VAPA: variants seen among roughly 807,000 people sequenced by gnomAD.
VAPA encodes the protein VAMP associated protein A, also known as vesicle-associated membrane protein-associated protein A.
Under a neutral mutation model 25.6 loss-of-function variants are expected in VAPA, and 6 were observed. The ratio of observed to expected loss-of-function variants is 0.23; its 90% confidence interval spans 0.13 to 0.46. The LOEUF (loss-of-function observed/expected upper bound fraction) is 0.46, where lower values mean the gene tolerates loss of function less well. Ranked by LOEUF, VAPA falls within the 20% of genes least tolerant of loss-of-function variation. VAPA has a pLI of 0.99. For missense variants in VAPA, 244 were observed against 302.1 expected (o/e 0.81, Z 1.43); for synonymous variants, 112 against 106.2 (o/e 1.05, Z -0.34).
chr18:9,939,697 G>A (rs2069347947), intron 4 of VAPA, among the ~76,000 whole-genome samples: 1 of 151,990 alleles, frequency 6.6e-6, no homozygotes, highest in Admixed American at 6.6e-5. Flanking sequence ...TTATCCAGGG[G>A]CAATCGATTT....
At chr18:9,917,876 C>G (rs929517832) in intron 1 of VAPA, among the ~76,000 whole-genome samples, 1 of 152,110 alleles carries the variant, frequency 6.6e-6, no homozygotes, top group Non-Finnish European at 1.5e-5. Context: ...CCAGTCGGCT[C>G]TTCATGTTTC....
chr18:9,935,513 T>G (rs563221951), intron 2 of VAPA, among the ~76,000 whole-genome samples: 18 of 152,324 alleles, frequency 1.2e-4, no homozygotes, highest in African/African-American at 4.3e-4. Flanking sequence ...AGGTTGAGGC[T>G]ACAGTGAGCT....
intron 5 of VAPA, among the ~76,000 whole-genome samples, chr18:9,952,680 A>G (rs2069503063): frequency 6.6e-6 from 1 of 151,904 alleles, no homozygotes; most frequent in South Asian, 2.1e-4. Flanking sequence ...CTGTCTGTTC[A>G]CTATCCCTTT....
intron 4 of VAPA, among the ~76,000 whole-genome samples, chr18:9,939,218 C>G (rs2069341790): frequency 6.7e-6 from 1 of 148,568 alleles, no homozygotes. Flanking sequence ...GTTGCTCAGG[C>G]TGGAGTGCAG....
In VAPA at chr18:9,936,983, T is replaced by C. The variant is rs745425990; in HGVS notation, c.337-3T>C. The C allele has an allele frequency of 2.5e-6, 4 of 1,613,506 alleles. No homozygotes were observed. The Admixed American group carries it at 5.0e-5, about 20-fold the overall frequency. ...TCTCATGTTTGGTTTTGTTTATTTTTAGTGGAAAGAGGCAAAACCTGATGA... is the reference window on the plus strand; with the variant it reads ...TCTCATGTTTGGTTTTGTTTATTTTCAGTGGAAAGAGGCAAAACCTGATGA... On this transcript the variant is annotated splice_region_variant and splice_polypyrimidine_tract_variant and intron_variant, in intron 3 of 5. Transcript: ENST00000400000.
chr18:9,953,911 G>A (rs1235956106), intron 5 of VAPA, 142 bp from the exon 6 acceptor site: 6 of 912,608 alleles, frequency 6.6e-6, no homozygotes, highest in East Asian at 2.6e-5. Flanking sequence ...GTTTCCTTAT[G>A]TGGTTAGCAG....
At chr18:9,920,301 C>A (rs1456573464) in intron 1 of VAPA, among the ~76,000 whole-genome samples, 4 of 151,950 alleles carry the variant, frequency 2.6e-5, no homozygotes, top group African/African-American at 9.7e-5. Context: ...TCTTTTCTTT[C>A]TTTCTTTCAT....
chr18:9,917,461 T>G (rs546195674), intron 1 of VAPA, among the ~76,000 whole-genome samples: 121 of 152,184 alleles, frequency 8.0e-4, no homozygotes, highest in Non-Finnish European at 1.5e-3. Flanking sequence ...CAGCTAATTT[T>G]GAATTTTTTG....
chr18:9,936,343 C>T, intron 3 of VAPA, 130 bp downstream of exon 3: 1 of 510,196 alleles, frequency 2.0e-6, no homozygotes, highest in Non-Finnish European at 3.4e-6. Flanking sequence ...CTGCCAATTT[C>T]TTCATTATAG....
chr18:9,937,361 T>A (rs1469532098), intron 4 of VAPA, among the ~76,000 whole-genome samples: 1 of 152,156 alleles, frequency 6.6e-6, no homozygotes, highest in Non-Finnish European at 1.5e-5. Flanking sequence ...GGTTCTTTTT[T>A]AGAATGAGAT....
At chr18:9,932,940 C>G (rs141266777) in intron 2 of VAPA, among the ~76,000 whole-genome samples, 10,997 of 152,120 alleles carry the variant, frequency 0.072, 434 homozygotes, top group South Asian at 0.14. Flanking sequence ...AACCCCATCT[C>G]TACTAAAAAT....
At chr18:9,944,872 A>G in intron 4 of VAPA, 6 of 1,588,612 alleles carry the variant, frequency 3.8e-6, no homozygotes, top group Non-Finnish European at 5.2e-6. Flanking sequence ...ATCATGCAGA[A>G]GAAATCAGAG....
At chr18:9,950,691 C>T (rs2069480946) in intron 5 of VAPA, 123 bp downstream of exon 5, 1 of 1,006,960 alleles carries the variant, frequency 9.9e-7, no homozygotes, top group East Asian at 2.6e-5. Context: ...TTCTTTGCCC[C>T]AGTGCCTTTG....
chr18:9,936,719 G>GGAAAAAAA (rs61564805), intron 3 of VAPA: 323,530 of 325,018 alleles, frequency 1, 161,044 homozygotes, highest in East Asian at 1. Flanking sequence ...GAGACCAACT[G>GGAAAAAAA]GAAAAAAAGA....
intron 2 of VAPA, among the ~76,000 whole-genome samples, chr18:9,933,997 C>G (rs2069283001): frequency 6.6e-6 from 1 of 152,182 alleles, no homozygotes; most frequent in Non-Finnish European, 1.5e-5. Context: ...AACAACGTAT[C>G]AAAACACTTT....
rs29093 is a variant in VAPA at position 9,957,740 on chromosome 18, G to A, written c.*3529G>A. The stretch of plus-strand genomic sequence containing the variant: ...AATACAAAAAAAATTTCAACAGATT[G>A]TGTGGTTTGTGCATTTATATCCTGT... On this transcript the variant is annotated 3_prime_UTR_variant, in exon 6 of 6. Transcript: ENST00000400000. The A allele has an allele frequency of 5.3e-4, 80 of 152,336 alleles. No homozygotes were observed. The highest frequency in any genetic ancestry group is 1.9e-3 in the African/African-American group (79 of 41,574). 9.4% of individuals were successfully genotyped at this position (152,336 alleles called of 1,614,324 possible).
intron 2 of VAPA, among the ~76,000 whole-genome samples, chr18:9,935,317 A>ATAC (rs1192523249): frequency 2.6e-5 from 4 of 152,148 alleles, no homozygotes; most frequent in Non-Finnish European, 5.9e-5. Context: ...TACGCCTGTA[A>ATAC]TCCTAGCACT....
chr18:9,957,524 T>C lies in VAPA; in HGVS notation c.*3313T>C, dbSNP rs2069563591. On this transcript the variant is annotated 3_prime_UTR_variant, in exon 6 of 6. Transcript: ENST00000400000. ...AGAGACATTCAAGTAATAGTTTTCTTAGAGCTTTGCACATTCCTATTCACT... is the reference window on the plus strand; with the variant it reads ...AGAGACATTCAAGTAATAGTTTTCTCAGAGCTTTGCACATTCCTATTCACT... The C allele has an allele frequency of 6.6e-6, 1 of 152,182 alleles. No homozygotes were observed. Among genetic ancestry groups the C allele is most frequent in the Admixed American group, 6.5e-5 (1 of 15,284 alleles). The allele number at this position is 152,182 out of a possible 1,614,324, so 9.4% of individuals were successfully genotyped here.
chr18:9,950,642 A>G, intron 5 of VAPA, 74 bp downstream of exon 5: 2 of 1,511,238 alleles, frequency 1.3e-6, no homozygotes, highest in Non-Finnish European at 1.8e-6. Flanking sequence ...AGGCCATTTT[A>G]GCAATTAGCT....
Sources: gnomAD v4.1 joint callset for allele counts (sites outside exome capture counted in the v4.1 genomes callset) on GRCh38, gnomAD v4.1.1 for gene constraint, MANE v1.5 for transcripts, NCBI Gene and HGNC (gene_info 2026-07-23, HGNC 2026-07-21) for gene names.